Variants in EDF1 observed in about 807,000 individuals in gnomAD.
The protein encoded by EDF1 is endothelial differentiation-related factor 1.
A neutral mutation model predicts 20.8 loss-of-function variants in EDF1; 5 were observed. The ratio of observed to expected loss-of-function variants is 0.24; its 90% CI spans 0.13 to 0.51. EDF1 has a LOEUF of 0.51. EDF1 is among the 20% of genes least tolerant of loss of function. The pLI, the probability that EDF1 is intolerant of heterozygous loss-of-function variation, is 0.97. For synonymous variants in EDF1, 96 were observed against 78.5 expected (o/e 1.22, Z -1.18); for missense variants, 137 against 197.8 (o/e 0.69, Z 1.84).
In EDF1 at chr9:136,862,726, C is replaced by T; in HGVS notation, c.385+180G>A. ...ACTTGCTCTTAGGGGTTTCCTGAGG[C>T]CTGCAGAGACCCCACCATCCCTCAG... On this transcript the variant is annotated intron_variant, in intron 4 of 4. Transcript: ENST00000224073. The surrounding 1 kb of genome is among the most constrained non-coding windows in gnomAD (Gnocchi z 4.1). The T allele has an allele frequency of 6.5e-7, 1 of 1,542,940 alleles. No homozygotes were observed. The highest frequency in any genetic ancestry group is 8.7e-7 in the Non-Finnish European group (1 of 1,151,764).
Position 136,862,157 on chromosome 9 carries a change from G to C in EDF1, c.*127C>G. ...TTTGTTTGTTTGACAGCAGGAATGG[G>C]CTGGGGAGGGTCCCCCGCAAGCTGG... is the stretch of plus-strand genomic sequence containing the variant. On this transcript the variant is annotated 3_prime_UTR_variant, in exon 5 of 5. Transcript: ENST00000224073. This position sits in a 1 kb window ranked among gnomAD's most constrained non-coding sequence, Gnocchi z 4.1. 8.2e-7 allele frequency: 1 copy of C among 1,217,994 alleles called. No homozygotes were observed. The highest frequency in any genetic ancestry group is 1.2e-6 in the Non-Finnish European group (1 of 834,680). The allele number at this position is 1,217,994 out of a possible 1,614,324, so 75.4% of individuals were successfully genotyped here.
intron 1 of EDF1, 98 bp downstream of exon 1, chr9:136,866,082 GC>G: frequency 7.9e-7 from 1 of 1,265,180 alleles, no homozygotes; most frequent in South Asian, 1.5e-5. Flanking sequence ...CCTGTCCCAG[GC>G]CCCGCCTGCC....
chr9:136,863,679 G>T lies in EDF1; in HGVS notation c.130+141C>A. On this transcript the variant is annotated intron_variant, in intron 2 of 4. Transcript: ENST00000224073. The surrounding 1 kb of genome is among the most constrained non-coding windows in gnomAD (Gnocchi z 4.5). ...CCAGAGCTGCTCTGGGAAGATGGCTGCCTCCCAGGGCTCCGGCCAGCACCG... is the reference window on the plus strand; with the variant it reads ...CCAGAGCTGCTCTGGGAAGATGGCTTCCTCCCAGGGCTCCGGCCAGCACCG... 1 of 1,158,132 alleles carries T rather than the reference G, an allele frequency of 8.6e-7. No homozygotes were observed. Among genetic ancestry groups the T allele is most frequent in the Admixed American group, 2.1e-5 (1 of 48,560 alleles). The allele number at this position is 1,158,132 out of a possible 1,614,324, so 71.7% of individuals were successfully genotyped here.
rs754611217 is a variant in EDF1 at position 136,866,150 on chromosome 9, C to T, written c.78+31G>A. The T allele has an allele frequency of 3.2e-6, 5 of 1,578,384 alleles. No homozygotes were observed. The African/African-American group carries it at 4.2e-5, about 13-fold the overall frequency. On this transcript the variant is annotated intron_variant, in intron 1 of 4. Coordinates refer to ENST00000224073, the MANE Select transcript of EDF1 (RefSeq NM_003792.4). ...GCCCCGGCCCAGCGTCCGCCCCGCCCGGCCCGGCCGCTCCTCAGTCAGCAA... is the reference window on the plus strand; with the variant it reads ...GCCCCGGCCCAGCGTCCGCCCCGCCTGGCCCGGCCGCTCCTCAGTCAGCAA...
intron 1 of EDF1, 152 bp downstream of exon 1, chr9:136,866,029 C>G: frequency 1.4e-6 from 1 of 703,784 alleles, no homozygotes; most frequent in South Asian, 2.2e-5. Context: ...CTTCGAACCC[C>G]GTCCTGCCCC....
intron 1 of EDF1, among the ~76,000 whole-genome samples, chr9:136,864,701 G>A (rs1264137040): frequency 6.6e-6 from 1 of 151,880 alleles, no homozygotes; most frequent in Non-Finnish European, 1.5e-5. Flanking sequence ...TCGGCTCACT[G>A]CAACCTTCGC....
At chr9:136,866,094 C>A in intron 1 of EDF1, 87 bp downstream of exon 1, 1 of 1,395,350 alleles carries the variant, frequency 7.2e-7, no homozygotes, top group Non-Finnish European at 9.6e-7. Context: ...CCCGCCTGCC[C>A]TTCCCCGAGC....
rs753594931 is a variant in EDF1, at chr9:136,863,845, T to C, written c.105A>G (p.Gly35=). ...ATTTCTTGGAAGTCTCCACATCTTC[T>C]CCTCGTCTCTGTGCCGCTAAGATAG... The part of the protein sequence containing the change: ...KQAILAAQRR[G]EDVETSKKWA... The change falls in exon 2 of 5, where the codon GGA becomes GGG. Residue 35 remains glycine, a synonymous_variant. Coordinates refer to ENST00000224073, the MANE Select transcript of EDF1 (RefSeq NM_003792.4). The surrounding 1 kb of genome is among the most constrained non-coding windows in gnomAD (Gnocchi z 4.5). The C allele has an allele frequency of 7.4e-6, 12 of 1,613,808 alleles. No homozygotes were observed. The East Asian group carries it at 2.5e-4, about 33-fold the overall frequency.
rs1435098465 is a variant in EDF1, at chr9:136,863,330, T to C, written c.249A>G (p.Gln83=). ...VTLEVGKVIQ[Q]GRQSKGLTQK... is the part of the protein sequence containing the mutation. ...GCGTAAGCCCCTTGCTCTGCCGACC[T>C]TGCTGGATCACCTTGCCCACCTCCA... The change falls in exon 3 of 5, where the codon CAA becomes CAG. Residue 83 remains glutamine, a synonymous_variant. Transcript: ENST00000224073. The surrounding 1 kb of genome is among the most constrained non-coding windows in gnomAD (Gnocchi z 4.5). The C allele has an allele frequency of 1.2e-6, 2 of 1,613,948 alleles. No homozygotes were observed.
Position 136,862,826 on chromosome 9 carries a change from G to C in EDF1, c.385+80C>G, listed in dbSNP as rs1402910165. ...CCCCAGGGCCATCTTCTTCCCCCGA[G>C]TCCCACTCTCACCAACCCCAGCTGG... On this transcript the variant is annotated intron_variant, in intron 4 of 4. Coordinates refer to ENST00000224073, the MANE Select transcript of EDF1 (RefSeq NM_003792.4). This position sits in a 1 kb window ranked among gnomAD's most constrained non-coding sequence, Gnocchi z 4.1. 2 of 1,611,166 alleles carry C rather than the reference G, an allele frequency of 1.2e-6. No individual in the cohort carries two copies. The highest frequency in any genetic ancestry group is 2.2e-5 in the South Asian group (2 of 91,008).
Position 136,863,080 on chromosome 9 carries a change from G to A in EDF1, c.292-81C>T. On this transcript the variant is annotated intron_variant, in intron 3 of 4. Transcript: ENST00000224073. This position sits in a 1 kb window ranked among gnomAD's most constrained non-coding sequence, Gnocchi z 4.5. ...AGGCGCGAAGCGTCGCCTGAGAACA[G>A]CAGCTTCTAGGGCCCCTGGGGTACG... 6.3e-7 allele frequency: 1 copy of A among 1,575,800 alleles called. No individual in the cohort carries two copies. The highest frequency in any genetic ancestry group is 8.7e-7 in the Non-Finnish European group (1 of 1,150,136).
rs772193666 is a variant in EDF1 at position 136,862,332 on chromosome 9, C to G, written c.399G>C (p.Arg133=). 1.2e-6 allele frequency: 2 copies of G among 1,614,062 alleles called. No homozygotes were observed. Among genetic ancestry groups the G allele is most frequent in the South Asian group, 1.1e-5 (1 of 91,080 alleles). Residue 133 remains arginine, a synonymous_variant, in exon 5 of 5, where the codon CGG becomes CGC. Transcript: ENST00000224073. The surrounding 1 kb of genome is among the most constrained non-coding windows in gnomAD (Gnocchi z 4.1). ...CGATGGGCTTTCCAATGTCCTTTCC[C>G]CGGAGCTTGAGGCCTGAAATGAGCC... ...KIERAIGLKL[R]GKDIGKPIEK...
intron 1 of EDF1, 75 bp downstream of exon 1, chr9:136,866,106 C>T (rs1564394007): frequency 8.1e-6 from 12 of 1,472,688 alleles, no homozygotes; most frequent in Admixed American, 2.2e-5. Flanking sequence ...TCCCCGAGCC[C>T]CCTGCCCCAC....
rs199756449 is a variant in EDF1, at chr9:136,862,241, G to C, written c.*43C>G. On this transcript the variant is annotated 3_prime_UTR_variant, in exon 5 of 5. Transcript: ENST00000224073. The surrounding 1 kb of genome is among the most constrained non-coding windows in gnomAD (Gnocchi z 4.1). Reference sequence around the variant, plus strand: ...GAACTGGCGGCCAAGGGGAACCGGCGGAACGAGATCAGCTGGAGCGCACTG... The same window carrying C: ...GAACTGGCGGCCAAGGGGAACCGGCCGAACGAGATCAGCTGGAGCGCACTG... The C allele has an allele frequency of 3.9e-4, 621 of 1,612,358 alleles. No homozygotes were observed. The highest frequency in any genetic ancestry group is 2.0e-3 in the Middle Eastern group (12 of 6,074).
At chr9:136,864,733 C>T (rs145944842) in intron 1 of EDF1, among the ~76,000 whole-genome samples, 2,055 of 152,272 alleles carry the variant, frequency 0.013, 25 homozygotes, top group Middle Eastern at 0.027. Flanking sequence ...AAGCAATTCT[C>T]CTGCCTCAGC....
rs754061021 is a variant in EDF1, at chr9:136,863,721, A to C, written c.130+99T>G. The C allele has an allele frequency of 2.5e-5, 37 of 1,454,262 alleles. No homozygotes were observed. Among genetic ancestry groups the C allele is most frequent in the Non-Finnish European group, 3.5e-5 (37 of 1,045,044 alleles). 90.1% of individuals were successfully genotyped at this position (1,454,262 alleles called of 1,614,324 possible). A position where few individuals can be genotyped will look rare whatever the true frequency, so the allele number is the denominator to read the frequency against. On this transcript the variant is annotated intron_variant, in intron 2 of 4. Transcript: ENST00000224073. The surrounding 1 kb of genome is among the most constrained non-coding windows in gnomAD (Gnocchi z 4.5). ...CCAGCACCGGTGCAGGCAGGCACTC[A>C]GCTGACAACGTCCCCGGGGGCGCCG...
chr9:136,863,120 T>C lies in EDF1; in HGVS notation c.292-121A>G. On this transcript the variant is annotated intron_variant, in intron 3 of 4. Transcript: ENST00000224073. The surrounding 1 kb of genome is among the most constrained non-coding windows in gnomAD (Gnocchi z 4.5). Reference sequence around the variant, plus strand: ...CCTGGGGTACGCACCCACACGCAGCTGGGTTTTGTGCGAGAGGCAGTGAGA... The same window carrying C: ...CCTGGGGTACGCACCCACACGCAGCCGGGTTTTGTGCGAGAGGCAGTGAGA... The C allele has an allele frequency of 6.6e-7, 1 of 1,522,212 alleles. No individual in the cohort carries two copies. Among genetic ancestry groups the C allele is most frequent in the East Asian group, 2.3e-5 (1 of 44,134 alleles). 94.3% of individuals were successfully genotyped at this position (1,522,212 alleles called of 1,614,324 possible).
At position 136,862,393 on chromosome 9, in the gene EDF1, C is replaced by G. The variant is rs1444314413; in HGVS notation, c.386-48G>C. ...GCCACTGCAGCACCAGCTCCCTCCT[C>G]CCCCCAACGCTGCCCCTCTTCAACA... On this transcript the variant is annotated intron_variant, in intron 4 of 4. Transcript: ENST00000224073. The surrounding 1 kb of genome is among the most constrained non-coding windows in gnomAD (Gnocchi z 4.1). The G allele has an allele frequency of 1.9e-6, 3 of 1,613,918 alleles. No homozygotes were observed. The highest frequency in any genetic ancestry group is 1.6e-4 in the Middle Eastern group (1 of 6,062).
At position 136,863,100 on chromosome 9, in the gene EDF1, G is replaced by C; in HGVS notation, c.292-101C>G. 6.5e-7 allele frequency: 1 copy of C among 1,547,330 alleles called. No homozygotes were observed. Reference sequence around the variant, plus strand: ...GAACAGCAGCTTCTAGGGCCCCTGGGGTACGCACCCACACGCAGCTGGGTT... The same window carrying C: ...GAACAGCAGCTTCTAGGGCCCCTGGCGTACGCACCCACACGCAGCTGGGTT... On this transcript the variant is annotated intron_variant, in intron 3 of 4. Transcript: ENST00000224073. The surrounding 1 kb of genome is among the most constrained non-coding windows in gnomAD (Gnocchi z 4.5).
Sources: gnomAD v4.1 joint callset for allele counts (sites outside exome capture counted in the v4.1 genomes callset) on GRCh38, gnomAD v4.1.1 for gene constraint, Gnocchi (gnomAD v3.1) non-coding constraint, MANE v1.5 for transcripts, NCBI Gene and HGNC (gene_info 2026-07-23, HGNC 2026-07-21) for gene names.